OPRM1: variants seen among roughly 807,000 people sequenced by gnomAD.
The protein encoded by OPRM1 is mu-type opioid receptor.
A neutral mutation model predicts 31.8 loss-of-function variants in OPRM1; 27 were observed. The ratio of observed to expected loss-of-function variants is 0.85; its 90% confidence interval spans 0.63 to 1.17. The LOEUF is 1.17. OPRM1 is among the 50% of genes most tolerant of loss of function. The pLI is 0.00. For missense variants in OPRM1, 536 were observed against 511.1 expected (o/e 1.05, Z -0.47); for synonymous variants, 196 against 189.9 (o/e 1.03, Z -0.26).
At chr6:154,133,140 GA>G (rs1466160472), downstream of OPRM1, among the ~76,000 whole-genome samples, 5 of 149,814 alleles carry the variant, frequency 3.3e-5, no homozygotes, top group African/African-American at 1.2e-4. Flanking sequence ...AAAAAAGAAA[GA>G]AAAAAACTAT....
chr6:154,051,170 T>A (rs1458690599), intron 1 of OPRM1, among the ~76,000 whole-genome samples: 1 of 152,198 alleles, frequency 6.6e-6, no homozygotes, highest in African/African-American at 2.4e-5. Flanking sequence ...GCTATAGCTA[T>A]AAAATCACAA....
At chr6:154,054,569 C>T (rs1297491641) in intron 1 of OPRM1, among the ~76,000 whole-genome samples, 5 of 152,050 alleles carry the variant, frequency 3.3e-5, no homozygotes, top group Non-Finnish European at 7.4e-5. Flanking sequence ...AAATATTTAA[C>T]GGATCTGTCC....
At position 154,235,645 on chromosome 6, in the gene OPRM1, A is replaced by T. The variant is rs1780071587; in HGVS notation, c.1165-11048A>T. 2.6e-5 allele frequency among the ~76,000 whole-genome samples: 4 copies of T among 152,302 alleles called. 1 individual carries two copies. The South Asian group carries it at 8.3e-4, about 32-fold the overall frequency. Reference sequence around the variant, plus strand: ...TGTGAAGTTATCAAATACTTCAGGAACTTTCAAATCTCTTCAAGCTGTTTT... The same window carrying T: ...TGTGAAGTTATCAAATACTTCAGGATCTTTCAAATCTCTTCAAGCTGTTTT... On this transcript the variant is annotated intron_variant, in intron 3 of 3. Transcript: ENST00000337049.
At chr6:154,140,388 T>C (rs1798168114) in intron 3 of OPRM1, among the ~76,000 whole-genome samples, 1 of 151,960 alleles carries the variant, frequency 6.6e-6, no homozygotes, top group South Asian at 2.1e-4. Flanking sequence ...TGGAGTGCAG[T>C]GGCACGATCT....
In OPRM1 at chr6:154,043,061, T is replaced by A. The variant is rs1312421763; in HGVS notation, c.290+3227T>A. 3.3e-5 allele frequency among the ~76,000 whole-genome samples: 5 copies of A among 152,194 alleles called. No homozygotes were observed. The East Asian group carries it at 9.6e-4, about 29-fold the overall frequency. ...TAATATAATCCCAGATGTGTTTATG[T>A]TGGGAAATTCTTTTTCCAAGGTTTG... On this transcript the variant is annotated intron_variant, in intron 1 of 3. Transcript: ENST00000330432.
chr6:154,240,246 C>A (rs1335774246), intron 3 of OPRM1, among the ~76,000 whole-genome samples: 1 of 152,206 alleles, frequency 6.6e-6, no homozygotes, highest in African/African-American at 2.4e-5. Context: ...GGTACATGCT[C>A]TGTACCTGCC....
In OPRM1 at chr6:154,195,103, C is replaced by A. The variant is rs146204496; in HGVS notation, c.1165-51590C>A. Among the ~76,000 whole-genome samples, 912 of 151,420 alleles carry A rather than the reference C, an allele frequency of 6.0e-3. 5 individuals carry two copies. Among genetic ancestry groups the A allele is most frequent in the African/African-American group, 0.021 (870 of 41,192 alleles). ...CTTATGTCCTGTCTCCTCTTATTCT[C>A]TTCTTCCCTGCACTCTACAGCTAAA... On this transcript the variant is annotated intron_variant, in intron 3 of 3. Coordinates refer to the OPRM1 transcript ENST00000337049.
At chr6:154,083,859 G>C (rs796678044) in intron 1 of OPRM1, 25 of 151,382 alleles carry the variant, frequency 1.7e-4, no homozygotes, top group African/African-American at 5.8e-4. Flanking sequence ...CAGGAGAATG[G>C]CGTGAACCCG....
chr6:154,057,952 A>T (rs1783645536), intron 1 of OPRM1, among the ~76,000 whole-genome samples: 1 of 152,228 alleles, frequency 6.6e-6, no homozygotes, highest in South Asian at 2.1e-4. Context: ...AGAGAAATTG[A>T]CACTATCTTT....
chr6:154,180,414 A>ATATATATATATATATATATTTTTTTTT (rs1241250621), intron 3 of OPRM1, among the ~76,000 whole-genome samples: 4 of 65,256 alleles, frequency 6.1e-5, no homozygotes, highest in African/African-American at 1.4e-4. Context: ...ATATATATAT[A>ATATATATATATATATATATTTTTTTTT]TTTTTTTTTT....
intron 1 of OPRM1, among the ~76,000 whole-genome samples, chr6:154,045,630 C>T (rs909277434): frequency 4.6e-5 from 7 of 152,218 alleles, no homozygotes; most frequent in Admixed American, 1.3e-4. Context: ...TCATGTCCTT[C>T]ACCTCGCCTT....
At chr6:154,134,319 A>T (rs1442954726), downstream of OPRM1, among the ~76,000 whole-genome samples, 1 of 152,208 alleles carries the variant, frequency 6.6e-6, no homozygotes, top group Non-Finnish European at 1.5e-5. Flanking sequence ...TCACCATGGG[A>T]TAGAGTAAAC....
Position 154,039,927 on chromosome 6 carries a change from A to C in OPRM1, c.290+93A>C, listed in dbSNP as rs954965062. The C allele has an allele frequency of 1.2e-5, 14 of 1,163,834 alleles. No homozygotes were observed. In the African/African-American group the frequency reaches 2.2e-4, roughly 18 times the overall value. The allele number at this position is 1,163,834 out of a possible 1,614,324, so 72.1% of individuals were successfully genotyped here. On this transcript the variant is annotated intron_variant, in intron 1 of 3. Coordinates refer to ENST00000330432, the MANE Select transcript of OPRM1 (RefSeq NM_000914.5). The stretch of plus-strand genomic sequence containing the variant: ...CTCCCAAGGCTCAATGTTGGGCGGG[A>C]GGATGAAAGAGGGGAGGTAAACTGG...
At chr6:154,195,143 C>CTTTTTTTTT (rs1162086187) in intron 3 of OPRM1, among the ~76,000 whole-genome samples, 3 of 133,480 alleles carry the variant, frequency 2.2e-5, no homozygotes, top group African/African-American at 8.9e-5. Flanking sequence ...TTTTTCTTTT[C>CTTTTTTTTT]TTTCTTTTTT....
In OPRM1 at chr6:154,168,219, T is replaced by A. The variant is rs916690672; in HGVS notation, c.1164+76747T>A. 1.4e-6 allele frequency: 1 copy of A among 739,424 alleles called. No homozygotes were observed. The highest frequency in any genetic ancestry group is 1.7e-5 in the African/African-American group (1 of 57,626). The allele number at this position is 739,424 out of a possible 1,614,324, so 45.8% of individuals were successfully genotyped here. A position where few individuals can be genotyped will look rare whatever the true frequency, so the allele number is the denominator to read the frequency against. Reference sequence around the variant, plus strand: ...AGGCACGGCCCCACTGGCACCCTCATCTCAGACTTCTCTCCGGAACTGAAA... The same window carrying A: ...AGGCACGGCCCCACTGGCACCCTCAACTCAGACTTCTCTCCGGAACTGAAA... On this transcript the variant is annotated intron_variant, in intron 3 of 3. Coordinates refer to the OPRM1 transcript ENST00000337049. The surrounding 1 kb of genome is among the most constrained non-coding windows in gnomAD (Gnocchi z 4.1).
In OPRM1 at chr6:154,100,129, G is replaced by T. The variant is rs1794495760; in HGVS notation, c.1164+8657G>T. Among the ~76,000 whole-genome samples the T allele has an allele frequency of 1.1e-4, 3 of 28,260 alleles. 1 individual carries two copies. The highest frequency in any genetic ancestry group is 1.3e-4 in the Non-Finnish European group (2 of 15,584). 18.5% of individuals were successfully genotyped at this position (28,260 alleles called of 152,430 possible). On this transcript the variant is annotated intron_variant, in intron 3 of 3. Transcript: ENST00000330432. ...TATATATTATATATTATCATATTAT[G>T]ACATATAATATATATTATCATATTA...
chr6:154,146,725 CT>C (rs1156626345), intron 3 of OPRM1, among the ~76,000 whole-genome samples: 2 of 152,096 alleles, frequency 1.3e-5, no homozygotes, highest in Non-Finnish European at 2.9e-5. Flanking sequence ...TGTGCTTCCC[CT>C]GGGTACCTTT....
At position 154,123,465 on chromosome 6, in the gene OPRM1, C is replaced by G. The variant is rs937394224; in HGVS notation, c.*4744C>G. Among the ~76,000 whole-genome samples, 1 of 152,274 alleles carries G rather than the reference C, an allele frequency of 6.6e-6. No individual in the cohort carries two copies. Among genetic ancestry groups the G allele is most frequent in the East Asian group, 1.9e-4 (1 of 5,182 alleles). On this transcript the variant is annotated 3_prime_UTR_variant, in exon 4 of 4. Transcript: ENST00000330432. Reference sequence around the variant, plus strand: ...TGATTTTTCAGGCAGCCTGCTTCTCCGAGGACTAGTCTTAGCTGTTTACCT... The same window carrying G: ...TGATTTTTCAGGCAGCCTGCTTCTCGGAGGACTAGTCTTAGCTGTTTACCT...
At chr6:154,081,093 G>A (rs1011732582) in intron 1 of OPRM1, among the ~76,000 whole-genome samples, 5 of 152,272 alleles carry the variant, frequency 3.3e-5, no homozygotes, top group African/African-American at 9.6e-5. Flanking sequence ...AAACCAACAC[G>A]GCAAGCAAGC....
Sources: gnomAD v4.1 joint callset for allele counts (sites outside exome capture counted in the v4.1 genomes callset) on GRCh38, gnomAD v4.1.1 for gene constraint, Gnocchi (gnomAD v3.1) non-coding constraint, MANE v1.5 for transcripts, NCBI Gene and HGNC (gene_info 2026-07-23, HGNC 2026-07-21) for gene names.